The following ANO6 variants were observed in gnomAD, a reference collection of about 807,000 sequenced individuals.
The protein encoded by ANO6 is anoctamin-6.
ANO6 carries 106 observed loss-of-function variants against 117.5 expected under a neutral mutation model. The observed-to-expected ratio is 0.90, with a 90% CI of 0.77 to 1.06. The LOEUF (loss-of-function observed/expected upper bound fraction) is 1.06. ANO6 is among the 50% of genes least tolerant of loss of function. The pLI is 0.00. For synonymous variants in ANO6, 367 were observed against 385.1 expected (o/e 0.95, Z 0.55); for missense variants, 955 against 1,121.1 (o/e 0.85, Z 2.12).
intron 1 of ANO6, among the ~76,000 whole-genome samples, chr12:45,232,520 T>C (rs926912087): frequency 6.6e-6 from 1 of 152,228 alleles, no homozygotes; most frequent in Admixed American, 6.5e-5. Context: ...GCACCTGTTA[T>C]TTTTATAATT....
chr12:45,289,436 C>T (rs1480403576), intron 1 of ANO6, among the ~76,000 whole-genome samples: 2 of 152,150 alleles, frequency 1.3e-5, no homozygotes, highest in Non-Finnish European at 2.9e-5. Context: ...ACTGGGATTA[C>T]AGGTGTGAGC....
At chr12:45,301,371 C>T (rs1016585759) in intron 1 of ANO6, among the ~76,000 whole-genome samples, 2 of 151,692 alleles carry the variant, frequency 1.3e-5, no homozygotes, top group East Asian at 3.9e-4. Flanking sequence ...ACAGGAGAAT[C>T]GCTTGAGGCT....
At chr12:45,289,744 TGA>T (rs1939034804) in intron 1 of ANO6, among the ~76,000 whole-genome samples, 1 of 152,230 alleles carries the variant, frequency 6.6e-6, no homozygotes, top group South Asian at 2.1e-4. Context: ...TTAGAGGAAA[TGA>T]GACCCTATGG....
chr12:45,294,400 C>A (rs550699189), intron 1 of ANO6, among the ~76,000 whole-genome samples: 1 of 152,240 alleles, frequency 6.6e-6, no homozygotes, highest in Admixed American at 6.5e-5. Flanking sequence ...TCATGAATAA[C>A]TTTCTTTTTC....
intron 1 of ANO6, chr12:45,270,375 T>G (rs1042902244): frequency 2.8e-5 from 39 of 1,404,348 alleles, no homozygotes; most frequent in South Asian, 5.1e-5. Context: ...CAGAGGCAGG[T>G]CTGATGCCGC....
At chr12:45,353,562 T>C (rs1941337355) in intron 7 of ANO6, among the ~76,000 whole-genome samples, 1 of 152,218 alleles carries the variant, frequency 6.6e-6, no homozygotes, top group Non-Finnish European at 1.5e-5. Flanking sequence ...CTGGTCCACA[T>C]GTTCTTTCCC....
At chr12:45,248,624 G>A (rs143173884) in intron 1 of ANO6, among the ~76,000 whole-genome samples, 2,850 of 151,900 alleles carry the variant, frequency 0.019, 52 homozygotes, top group East Asian at 0.067. Context: ...AGTAGAGATG[G>A]GGTTTCACCA....
intron 3 of ANO6, among the ~76,000 whole-genome samples, chr12:45,336,148 G>A (rs1386247539): frequency 6.6e-6 from 1 of 151,856 alleles, no homozygotes; most frequent in Admixed American, 6.6e-5. Context: ...AAAGTTAAAG[G>A]AGTTCCCTTT....
chr12:45,266,805 A>AGTGTGTGTGTGTGTGTGT (rs57682251), intron 1 of ANO6, among the ~76,000 whole-genome samples: 11 of 145,658 alleles, frequency 7.6e-5, no homozygotes, highest in African/African-American at 2.6e-4. Context: ...TCAAAAAACA[A>AGTGTGTGTGTGTGTGTGT]GTGTGTGTGT....
intron 1 of ANO6, among the ~76,000 whole-genome samples, chr12:45,243,979 C>T (rs1287732104): frequency 6.6e-6 from 1 of 152,202 alleles, no homozygotes; most frequent in Non-Finnish European, 1.5e-5. Context: ...AACTCATTTT[C>T]TCATGGTAAC....
At chr12:45,366,115 G>GTTTTTTTTT (rs5797942) in intron 8 of ANO6, among the ~76,000 whole-genome samples, 1 of 134,662 alleles carries the variant, frequency 7.4e-6, no homozygotes, top group African/African-American at 2.8e-5. Flanking sequence ...TGTTACTTGG[G>GTTTTTTTTT]TTTTTTTTTT....
At chr12:45,271,310 C>T (rs1352142955) in intron 1 of ANO6, among the ~76,000 whole-genome samples, 1 of 152,030 alleles carries the variant, frequency 6.6e-6, no homozygotes, top group Non-Finnish European at 1.5e-5. Flanking sequence ...GTAAATGATG[C>T]TATTTTATAA....
At chr12:45,393,072 C>G (rs149479778) in intron 12 of ANO6, among the ~76,000 whole-genome samples, 1,728 of 152,254 alleles carry the variant, frequency 0.011, 17 homozygotes, top group Middle Eastern at 0.027. Context: ...ATGTTCTAAC[C>G]CATCGCAAGG....
intron 1 of ANO6, among the ~76,000 whole-genome samples, chr12:45,263,830 G>A (rs1938127535): frequency 6.6e-6 from 1 of 152,192 alleles, no homozygotes; most frequent in African/African-American, 2.4e-5. Context: ...CTTTAGGGCT[G>A]TGTTCACTGT....
intron 12 of ANO6, among the ~76,000 whole-genome samples, chr12:45,396,207 C>T (rs923944668): frequency 3.3e-5 from 5 of 152,196 alleles, no homozygotes; most frequent in South Asian, 2.1e-4. Context: ...AGGAGACAAA[C>T]GAAGAGCCAA....
intron 12 of ANO6, among the ~76,000 whole-genome samples, chr12:45,395,205 A>G (rs1565747184): frequency 6.6e-6 from 1 of 152,252 alleles, no homozygotes. Flanking sequence ...AGAGAATACT[A>G]TAAGCACCTC....
At chr12:45,386,895 TC>T (rs1338819700) in intron 10 of ANO6, among the ~76,000 whole-genome samples, 1 of 152,236 alleles carries the variant, frequency 6.6e-6, no homozygotes, top group Non-Finnish European at 1.5e-5. Flanking sequence ...ATCACTGTGG[TC>T]CCCTCCTCTG....
intron 3 of ANO6, among the ~76,000 whole-genome samples, chr12:45,334,494 C>T (rs892438166): frequency 6.6e-6 from 1 of 151,996 alleles, no homozygotes; most frequent in Non-Finnish European, 1.5e-5. Context: ...GAAGGAATGC[C>T]CCTTCTCAGG....
At chr12:45,286,458 G>T (rs1938918312) in intron 1 of ANO6, among the ~76,000 whole-genome samples, 1 of 152,150 alleles carries the variant, frequency 6.6e-6, no homozygotes. Context: ...TAAGTAGGGG[G>T]TATGATTTAG....
Sources: allele counts gnomAD v4.1 joint callset (sites outside exome capture counted in the v4.1 genomes callset), GRCh38; gene constraint gnomAD v4.1.1; transcripts MANE v1.5; gene names NCBI Gene and HGNC (gene_info 2026-07-23, HGNC 2026-07-21).